Variants in TFG observed in about 807,000 individuals in gnomAD.
TFG encodes trafficking from ER to golgi regulator.
In TFG, 22 loss-of-function variants were observed where a neutral mutation model predicts 51.4. The ratio of observed to expected loss-of-function variants is 0.43; its 90% CI spans 0.31 to 0.61. The LOEUF is 0.61. TFG is among the 20% of genes least tolerant of loss of function. TFG has a pLI of 0.12. For synonymous variants in TFG, 187 were observed against 165.6 expected (o/e 1.13, Z -0.99); for missense variants, 419 against 487.7 (o/e 0.86, Z 1.33).
chr3:100,719,934 TA>T, intron 2 of TFG, 40 bp from the exon 3 acceptor site: 1 of 1,329,658 alleles, frequency 7.5e-7, no homozygotes, highest in Non-Finnish European at 1.0e-6. Context: ...TCTGAAAATT[TA>T]AAAAATTAAA....
At chr3:100,743,002 G>A (rs922741621) in intron 6 of TFG, 1 of 152,034 alleles carries the variant, frequency 6.6e-6, no homozygotes, top group African/African-American at 2.4e-5. Context: ...CTACTACTAC[G>A]TGGAACCTTA....
chr3:100,746,524 C>A (rs2095135372), intron 7 of TFG, among the ~76,000 whole-genome samples: 1 of 152,028 alleles, frequency 6.6e-6, no homozygotes, highest in South Asian at 2.1e-4. Context: ...AAAAAACTCA[C>A]ATAATTTCCA....
intron 2 of TFG, among the ~76,000 whole-genome samples, chr3:100,718,842 G>A (rs2149065105): frequency 6.6e-6 from 1 of 152,200 alleles, no homozygotes; most frequent in Non-Finnish European, 1.5e-5. Flanking sequence ...ACAGGTGTGA[G>A]CCACCGCACT....
Position 100,732,519 on chromosome 3 carries a change from G to T in TFG, c.427G>T (p.Gly143Cys). The T allele has an allele frequency of 6.2e-7, 1 of 1,609,050 alleles. No homozygotes were observed. Residue 143 changes from glycine (G) to cysteine (C), a missense_variant, in exon 5 of 8, where the codon GGT becomes TGT. This residue lies in a region of TFG where 391 missense variants were observed against 434.4 expected (regional missense o/e 0.90). Transcript: ENST00000240851. Reference protein sequence around the residue: ...TNIPENDTVDGREEKSASDSS... With the variant: ...TNIPENDTVDCREEKSASDSS... ...CTCTATTTTTACAGATACTGTGGAT[G>T]GTAGGGAAGAAAAGTCTGCTTCTGA...
intron 3 of TFG, among the ~76,000 whole-genome samples, chr3:100,727,430 A>C (rs2095079082): frequency 6.6e-6 from 1 of 152,222 alleles, no homozygotes; most frequent in African/African-American, 2.4e-5. Context: ...TTTAACAAAG[A>C]ATCGCCCTGA....
At chr3:100,726,400 C>A (rs553999168) in intron 3 of TFG, among the ~76,000 whole-genome samples, 1 of 140,882 alleles carries the variant, frequency 7.1e-6, no homozygotes, top group Non-Finnish European at 1.7e-5. Flanking sequence ...ATGTCAGTGT[C>A]CTCTGGCAAC....
chr3:100,744,298 A>G (rs929283729), intron 6 of TFG: 1 of 152,260 alleles, frequency 6.6e-6, no homozygotes, highest in African/African-American at 2.4e-5. Context: ...GGATATTCAT[A>G]GAAAATCAAA....
intron 6 of TFG, among the ~76,000 whole-genome samples, chr3:100,738,999 C>T (rs980664588): frequency 6.6e-6 from 1 of 152,150 alleles, no homozygotes; most frequent in African/African-American, 2.4e-5. Context: ...ACATTTCAAA[C>T]AAGCCACATT....
intron 3 of TFG, 82 bp downstream of exon 3, chr3:100,720,140 C>A: frequency 2.5e-6 from 2 of 812,616 alleles, no homozygotes; most frequent in East Asian, 2.7e-5. Flanking sequence ...TTTAAAGACT[C>A]AGGTAAGCAA....
intron 3 of TFG, among the ~76,000 whole-genome samples, chr3:100,725,763 A>G (rs2095073817): frequency 6.6e-6 from 1 of 152,072 alleles, no homozygotes; most frequent in African/African-American, 2.4e-5. Flanking sequence ...ACTGCATTAC[A>G]GTCTGGGTGA....
At chr3:100,736,210 A>G (rs2095105752) in intron 5 of TFG, among the ~76,000 whole-genome samples, 1 of 152,114 alleles carries the variant, frequency 6.6e-6, no homozygotes, top group South Asian at 2.1e-4. Flanking sequence ...GTTGAACTTA[A>G]TTTATGGTCA....
intron 7 of TFG, among the ~76,000 whole-genome samples, chr3:100,746,494 A>G (rs567314451): frequency 1.3e-5 from 2 of 152,290 alleles, no homozygotes; most frequent in African/African-American, 4.8e-5. Flanking sequence ...ATAAAAGGCT[A>G]GATGTCCTAT....
chr3:100,738,891 T>G (rs1294628479), intron 6 of TFG, among the ~76,000 whole-genome samples: 1 of 152,216 alleles, frequency 6.6e-6, no homozygotes, highest in Non-Finnish European at 1.5e-5. Context: ...GTATCCAACG[T>G]GTACTCACTA....
intron 3 of TFG, among the ~76,000 whole-genome samples, chr3:100,722,303 G>A (rs1012916920): frequency 2.0e-5 from 3 of 152,160 alleles, no homozygotes; most frequent in African/African-American, 7.2e-5. Flanking sequence ...AAACACATTA[G>A]TCATAGCTAA....
intron 3 of TFG, among the ~76,000 whole-genome samples, chr3:100,727,003 A>G (rs1293820279): frequency 1.3e-5 from 2 of 152,184 alleles, no homozygotes; most frequent in Non-Finnish European, 2.9e-5. Flanking sequence ...GCAGTTACTC[A>G]TATTAGCCAG....
At chr3:100,718,815 C>T (rs2095053434) in intron 2 of TFG, among the ~76,000 whole-genome samples, 1 of 152,044 alleles carries the variant, frequency 6.6e-6, no homozygotes, top group South Asian at 2.1e-4. Flanking sequence ...ACCTCAGCCT[C>T]CCAAACTGCT....
intron 6 of TFG, 100 bp downstream of exon 6, chr3:100,736,816 A>G: frequency 7.6e-7 from 1 of 1,312,858 alleles, no homozygotes. Flanking sequence ...CATGCCTTAA[A>G]CACAGGAAAA....
intron 1 of TFG, among the ~76,000 whole-genome samples, chr3:100,710,785 A>C (rs1019673277): frequency 6.6e-6 from 1 of 152,194 alleles, no homozygotes; most frequent in African/African-American, 2.4e-5. Flanking sequence ...ACAAGATGGG[A>C]GAAGAGCTTG....
At chr3:100,739,179 T>C (rs1317314026) in intron 6 of TFG, among the ~76,000 whole-genome samples, 1 of 152,184 alleles carries the variant, frequency 6.6e-6, no homozygotes, top group Non-Finnish European at 1.5e-5. Flanking sequence ...CTGGTTATAA[T>C]TTGAGCAGAA....
Sources: gnomAD v4.1 joint callset for allele counts (sites outside exome capture counted in the v4.1 genomes callset) on GRCh38, gnomAD v4.1.1 for gene constraint, gnomAD v4.1.1 regional missense constraint, MANE v1.5 for transcripts, NCBI Gene and HGNC (gene_info 2026-07-23, HGNC 2026-07-21) for gene names.